The following KCNMA1 variants were observed in gnomAD, a reference collection of about 807,000 sequenced individuals.
KCNMA1 encodes the protein Calcium-activated potassium channel subunit alpha-1.
KCNMA1 carries 29 observed loss-of-function variants against 140.0 expected under a neutral mutation model. That is an observed-to-expected ratio of 0.21 (90% CI 0.15 to 0.28). The LOEUF is 0.28. Among genes scored for constraint, KCNMA1 ranks in the 10% least tolerant of loss-of-function variants. The probability of loss-of-function intolerance (pLI) is 1.00; values close to 1 mark genes in which losing one functional copy is unlikely to be tolerated. For missense variants in KCNMA1, 880 were observed against 1,602.2 expected (o/e 0.55, Z 7.70); for synonymous variants, 612 against 611.9 (o/e 1.00, Z 0.00).
chr10:77,637,632 C>G lies in KCNMA1; in HGVS notation c.11G>C (p.Gly4Ala). 1 of 1,521,680 alleles carries G rather than the reference C, an allele frequency of 6.6e-7. No individual in the cohort carries two copies. Among genetic ancestry groups the G allele is most frequent in the East Asian group, 2.5e-5 (1 of 40,414 alleles). 94.3% of individuals were successfully genotyped at this position (1,521,680 alleles called of 1,614,324 possible). Residue 4 changes from glycine to alanine, a missense_variant, in exon 1 of 28, where the codon GGT (glycine) becomes GCT (alanine). Physicochemically the swap from Gly to Ala is moderately conservative, Grantham distance 60. This residue lies in a region of KCNMA1 where 94 missense variants were observed against 92.4 expected (regional missense o/e 1.02). Transcript: ENST00000286628. MAN[G>A]GGGGGGSSGG... is the part of the protein sequence containing the mutation. ...GCTGCTGCCGCCGCCGCCGCCGCCA[C>G]CATTTGCCATAGCTAGCAACGGGCA... is the stretch of plus-strand genomic sequence containing the variant.
intron 14 of KCNMA1, among the ~76,000 whole-genome samples, chr10:77,059,599 T>C (rs928776089): frequency 6.6e-6 from 1 of 152,074 alleles, no homozygotes; most frequent in Admixed American, 6.6e-5. Flanking sequence ...GAAGAAAAAC[T>C]ACATGATCCT....
chr10:77,591,255 A>G (rs1436855730), intron 1 of KCNMA1, among the ~76,000 whole-genome samples: 3 of 152,204 alleles, frequency 2.0e-5, no homozygotes, highest in Admixed American at 6.5e-5. Flanking sequence ...AGGTGCCAGC[A>G]GGGCAAAGGC....
chr10:76,970,880 A>C (rs2075881840), intron 19 of KCNMA1: 1 of 152,548 alleles, frequency 6.6e-6, no homozygotes, highest in Admixed American at 6.5e-5. Flanking sequence ...GCTGTTTTCC[A>C]AATGTCTAAA....
chr10:77,191,141 C>T (rs910437520), intron 3 of KCNMA1, among the ~76,000 whole-genome samples: 1 of 152,100 alleles, frequency 6.6e-6, no homozygotes, highest in African/African-American at 2.4e-5. Flanking sequence ...GGATAAACTG[C>T]CTACACTGGA....
At chr10:77,233,882 T>A (rs1446492310) in intron 3 of KCNMA1, among the ~76,000 whole-genome samples, 1 of 152,162 alleles carries the variant, frequency 6.6e-6, no homozygotes, top group Non-Finnish European at 1.5e-5. Context: ...CCCCACTTTG[T>A]TCAGTCCACC....
intron 9 of KCNMA1, among the ~76,000 whole-genome samples, chr10:77,097,145 CT>C (rs1566075759): frequency 6.6e-6 from 1 of 152,158 alleles, no homozygotes; most frequent in Non-Finnish European, 1.5e-5. Context: ...CCTGGTAGTG[CT>C]TTTCTTGGCT....
At chr10:77,589,542 G>A (rs1280213300) in intron 1 of KCNMA1, among the ~76,000 whole-genome samples, 3 of 152,032 alleles carry the variant, frequency 2.0e-5, no homozygotes, top group East Asian at 1.9e-4. Context: ...ACACACACAC[G>A]CACAAAGTGT....
chr10:77,095,398 A>C (rs114875944), intron 9 of KCNMA1, among the ~76,000 whole-genome samples: 4,263 of 152,274 alleles, frequency 0.028, 199 homozygotes, highest in African/African-American at 0.096. Context: ...TCAGAAACAC[A>C]AGGAAGCATC....
intron 1 of KCNMA1, among the ~76,000 whole-genome samples, chr10:77,539,382 A>T (rs2059656648): frequency 6.6e-6 from 1 of 152,210 alleles, no homozygotes; most frequent in Non-Finnish European, 1.5e-5. Context: ...CTGCAATTCT[A>T]GTTTTACAGG....
At chr10:77,629,982 T>C (rs1270852098) in intron 1 of KCNMA1, among the ~76,000 whole-genome samples, 2 of 152,158 alleles carry the variant, frequency 1.3e-5, no homozygotes, top group Admixed American at 6.5e-5. Context: ...TGAAAAACCC[T>C]GGTATGGTGA....
In KCNMA1 at chr10:77,491,730, C is replaced by T. The variant is rs968094999; in HGVS notation, c.379-87707G>A. Among the ~76,000 whole-genome samples the T allele has an allele frequency of 6.0e-3, 911 of 151,318 alleles. 10 individuals are homozygous for T. The highest frequency in any genetic ancestry group is 0.02 in the African/African-American group (843 of 41,192). ...TAGAAGTCATACACACACACACACACACACACACACACACACACACACACC... is the reference window on the plus strand; with the variant it reads ...TAGAAGTCATACACACACACACACATACACACACACACACACACACACACC... On this transcript the variant is annotated intron_variant, in intron 1 of 27. Coordinates refer to ENST00000286628, the MANE Select transcript of KCNMA1 (RefSeq NM_001161352.2).
At chr10:76,920,152 C>A (rs1219021124) in intron 23 of KCNMA1, among the ~76,000 whole-genome samples, 2 of 148,934 alleles carry the variant, frequency 1.3e-5, no homozygotes, top group African/African-American at 4.9e-5. Context: ...ACACTGTAAA[C>A]CCAAGTGCAT....
chr10:77,391,997 C>G (rs2095845456), intron 2 of KCNMA1, among the ~76,000 whole-genome samples: 1 of 151,092 alleles, frequency 6.6e-6, no homozygotes, highest in Admixed American at 6.6e-5. Context: ...GGGGGAAAAC[C>G]TGGGTAAGAA....
At chr10:77,478,069 T>C (rs1188467013) in intron 1 of KCNMA1, among the ~76,000 whole-genome samples, 2 of 152,220 alleles carry the variant, frequency 1.3e-5, no homozygotes, top group Non-Finnish European at 2.9e-5. Context: ...TCCACTTCCT[T>C]CCTTTACCAC....
intron 1 of KCNMA1, among the ~76,000 whole-genome samples, chr10:77,508,581 C>CTTTTTTTTTTTTT (rs761735012): frequency 5.0e-5 from 5 of 99,874 alleles, no homozygotes; most frequent in Admixed American, 1.2e-4. Flanking sequence ...TTTTTCTTTT[C>CTTTTTTTTTTTTT]TTTTTTTTTT....
At chr10:77,506,865 G>C (rs989956199) in intron 1 of KCNMA1, among the ~76,000 whole-genome samples, 3 of 151,422 alleles carry the variant, frequency 2.0e-5, no homozygotes, top group Non-Finnish European at 4.4e-5. Flanking sequence ...GTGTGTGTGT[G>C]TGTGTGTTAG....
downstream of KCNMA1, chr10:76,884,754 A>G (rs2036101502): frequency 1.3e-5 from 7 of 524,832 alleles, no homozygotes; most frequent in Non-Finnish European, 2.2e-5. Flanking sequence ...AAAGTGGAAG[A>G]AGGAAGGAAG....
chr10:76,975,573 G>A (rs774389728), intron 19 of KCNMA1, among the ~76,000 whole-genome samples: 1 of 152,172 alleles, frequency 6.6e-6, no homozygotes, highest in Admixed American at 6.5e-5. Flanking sequence ...TGTGTCCATC[G>A]ACGAGGCTGA....
At chr10:77,588,909 A>AG (rs1463094791) in intron 1 of KCNMA1, among the ~76,000 whole-genome samples, 1 of 152,236 alleles carries the variant, frequency 6.6e-6, no homozygotes, top group Non-Finnish European at 1.5e-5. Context: ...TCCTGCCCTC[A>AG]GGGAGCTCAC....
Sources: gnomAD v4.1 joint callset for allele counts (sites outside exome capture counted in the v4.1 genomes callset) on GRCh38, gnomAD v4.1.1 for gene constraint, gnomAD v4.1.1 regional missense constraint, MANE v1.5 for transcripts, NCBI Gene and HGNC (gene_info 2026-07-23, HGNC 2026-07-21) for gene names.